The following ZNF44 variants were observed in gnomAD, a reference collection of about 807,000 sequenced individuals.
The protein encoded by ZNF44 is zinc finger protein 44, also known as gonadotropin inducible transcription repressor-2.
ZNF44 carries 9 observed loss-of-function variants against 11.7 expected under a neutral mutation model. The ratio of observed to expected loss-of-function variants is 0.77; its 90% CI spans 0.46 to 1.35. The LOEUF (loss-of-function observed/expected upper bound fraction) is 1.35. Among genes scored for constraint, ZNF44 ranks in the 40% most tolerant of loss-of-function variants. The pLI, the probability that ZNF44 is intolerant of heterozygous loss-of-function variation, is 0.00. For missense variants in ZNF44, 696 were observed against 743.1 expected (o/e 0.94, Z 0.74); for synonymous variants, 224 against 242.7 (o/e 0.92, Z 0.72).
intron 1 of ZNF44, among the ~76,000 whole-genome samples, chr19:12,292,259 A>G (rs1968037088): frequency 6.6e-6 from 1 of 152,142 alleles, no homozygotes; most frequent in Admixed American, 6.5e-5. Context: ...GCAGTGAGCC[A>G]TGATGGTGCC....
At position 12,273,877 on chromosome 19, in the gene ZNF44, A is replaced by G. The variant is rs777018780; in HGVS notation, c.378T>C (p.Thr126=). 144 of 1,614,054 alleles carry G rather than the reference A, an allele frequency of 8.9e-5. No homozygotes were observed. Among genetic ancestry groups the G allele is most frequent in the Non-Finnish European group, 1.1e-4 (131 of 1,180,052 alleles). The change falls in exon 4 of 4, where the codon ACT becomes ACC. Residue 126 remains threonine, a synonymous_variant. Coordinates refer to ENST00000355684, the MANE Select transcript of ZNF44 (RefSeq NM_016264.4). The part of the protein sequence containing the change: ...SSLNCYIRVD[T]GHKHRECHEY... Reference sequence around the variant, plus strand: ...CATGACACTCCCGGTGTTTGTGTCCAGTATCAACTCTGATGTAGCAATTCA... The same window carrying G: ...CATGACACTCCCGGTGTTTGTGTCCGGTATCAACTCTGATGTAGCAATTCA...
chr19:12,236,684 C>T (rs980276278), intron 1 of ZNF44, among the ~76,000 whole-genome samples: 1 of 152,154 alleles, frequency 6.6e-6, no homozygotes. Flanking sequence ...CTAAACCCTG[C>T]GATGCCTGTG....
At chr19:12,285,011 C>T (rs1230574545) in intron 1 of ZNF44, 39 of 705,962 alleles carry the variant, frequency 5.5e-5, no homozygotes, top group East Asian at 2.7e-4. Context: ...TGGGCAACTT[C>T]GCCAAGGCCA....
chr19:12,255,549 CTT>C (rs1349525384), intron 5 of ZNF44, among the ~76,000 whole-genome samples: 1 of 152,198 alleles, frequency 6.6e-6, no homozygotes, highest in East Asian at 1.9e-4. Flanking sequence ...CTACAAGAAA[CTT>C]ACAGCTAACA....
chr19:12,260,415 C>T, intron 5 of ZNF44: 1 of 1,444,076 alleles, frequency 6.9e-7, no homozygotes, highest in Non-Finnish European at 9.6e-7. Flanking sequence ...ACACATGATC[C>T]TCAAGAACAA....
upstream of ZNF44, chr19:12,237,773 A>ACC (rs993616307): frequency 2.4e-4 from 14 of 58,466 alleles, no homozygotes; most frequent in African/African-American, 8.7e-4. Flanking sequence ...CAGCCCTCCC[A>ACC]CCCCCCCGCC....
chr19:12,267,141 T>A (rs1599519267), downstream of ZNF44, among the ~76,000 whole-genome samples: 2 of 148,500 alleles, frequency 1.3e-5, no homozygotes, highest in East Asian at 4.0e-4. Context: ...GCCTCACGGG[T>A]TCAAGCAATT....
At chr19:12,271,069 G>A (rs1966933161), downstream of ZNF44, among the ~76,000 whole-genome samples, 1 of 151,922 alleles carries the variant, frequency 6.6e-6, no homozygotes, top group Non-Finnish European at 1.5e-5. Context: ...TGATGATGAT[G>A]CTGCTGATGA....
chr19:12,279,920 A>ATTG (rs1967396380), intron 1 of ZNF44, among the ~76,000 whole-genome samples: 1 of 136,798 alleles, frequency 7.3e-6, no homozygotes, highest in Non-Finnish European at 1.6e-5. Context: ...AGAAATTCAG[A>ATTG]TTGTGTGTGT....
At chr19:12,260,457 C>T (rs1202021614) in intron 5 of ZNF44, 2 of 1,381,962 alleles carry the variant, frequency 1.4e-6, no homozygotes, top group South Asian at 1.2e-5. Context: ...GGCAGCCATC[C>T]GCAGGGTCAG....
intron 1 of ZNF44, among the ~76,000 whole-genome samples, chr19:12,292,338 A>T (rs1220423058): frequency 6.6e-6 from 1 of 151,158 alleles, no homozygotes; most frequent in Non-Finnish European, 1.5e-5. Flanking sequence ...AAAAAAAAGG[A>T]ATAGAAAACT....
downstream of ZNF44, chr19:12,247,363 T>C (rs1323561857): frequency 7.7e-7 from 1 of 1,298,794 alleles, no homozygotes; most frequent in Non-Finnish European, 1.0e-6. Flanking sequence ...TTATAAGGTT[T>C]CTCTCCAGTG....
At chr19:12,288,919 T>A (rs770129474) in intron 1 of ZNF44, among the ~76,000 whole-genome samples, 1 of 151,362 alleles carries the variant, frequency 6.6e-6, no homozygotes, top group Non-Finnish European at 1.5e-5. Flanking sequence ...TTTTAACCTG[T>A]AACAAGGCCC....
intron 2 of ZNF44, 73 bp from the exon 3 acceptor site, chr19:12,275,106 CACT>C: frequency 9.0e-7 from 1 of 1,106,596 alleles, no homozygotes; most frequent in Non-Finnish European, 1.3e-6. Context: ...ATTTTATGTA[CACT>C]ACAATCATGT....
chr19:12,289,662 T>G (rs2145768358), intron 1 of ZNF44, among the ~76,000 whole-genome samples: 1 of 140,146 alleles, frequency 7.1e-6, no homozygotes, highest in Middle Eastern at 3.5e-3. Flanking sequence ...TTTTTTTTTT[T>G]GAGATGGAGT....
At chr19:12,289,038 C>T (rs1411827929) in intron 1 of ZNF44, among the ~76,000 whole-genome samples, 2 of 151,846 alleles carry the variant, frequency 1.3e-5, no homozygotes, top group African/African-American at 4.8e-5. Flanking sequence ...GGCCTGATGG[C>T]TCACGTCTCT....
exon 8 of ZNF44, chr19:12,248,171 G>A (rs774861623): frequency 2.3e-6 from 3 of 1,306,874 alleles, no homozygotes; most frequent in Non-Finnish European, 3.0e-6. Context: ...GGTAAATGAA[G>A]GGTTTCCCAC....
chr19:12,251,926 C>T (rs1917015603), intron 5 of ZNF44, among the ~76,000 whole-genome samples: 1 of 151,918 alleles, frequency 6.6e-6, no homozygotes, highest in Non-Finnish European at 1.5e-5. Flanking sequence ...TAGCACATGC[C>T]TGTAATCCCA....
intron 1 of ZNF44, among the ~76,000 whole-genome samples, chr19:12,291,988 T>A: frequency 7.1e-6 from 1 of 141,302 alleles, no homozygotes; most frequent in South Asian, 2.2e-4. Context: ...TGAAACTCCA[T>A]CTCAGAAAAA....
Sources: gnomAD v4.1 joint callset for allele counts (sites outside exome capture counted in the v4.1 genomes callset) on GRCh38, gnomAD v4.1.1 for gene constraint, MANE v1.5 for transcripts, NCBI Gene and HGNC (gene_info 2026-07-23, HGNC 2026-07-21) for gene names.